Variants in TAFA1 observed in about 807,000 individuals in gnomAD.
TAFA1 encodes TAFA chemokine like family member 1, also known as chemokine-like protein TAFA-1.
TAFA1 carries 4 observed loss-of-function variants against 18.5 expected under a neutral mutation model. The ratio of observed to expected loss-of-function variants is 0.22; its 90% CI spans 0.11 to 0.49. The LOEUF is 0.49. Ranked by LOEUF, TAFA1 falls within the 20% of genes least tolerant of loss-of-function variation. The probability of loss-of-function intolerance (pLI) is 0.98; values close to 1 mark genes in which losing one functional copy is unlikely to be tolerated. For missense variants in TAFA1, 147 were observed against 169.0 expected, an observed-to-expected ratio of 0.87 and a Z score of 0.72; for synonymous variants, 56 against 55.2, an observed-to-expected ratio of 1.01 and a Z score of -0.06.
At chr3:68,188,333 G>A (rs542218006) in intron 2 of TAFA1, among the ~76,000 whole-genome samples, 1 of 151,678 alleles carries the variant, frequency 6.6e-6, no homozygotes, top group South Asian at 2.1e-4. Context: ...ATAGTCATTT[G>A]GCTTTAATAC....
At chr3:68,380,902 G>A (rs1246140157) in intron 2 of TAFA1, among the ~76,000 whole-genome samples, 2 of 149,688 alleles carry the variant, frequency 1.3e-5, no homozygotes, top group African/African-American at 5.0e-5. Context: ...TATGGTTTTA[G>A]GTCTAACATG....
the TAFA1 span, among the ~76,000 whole-genome samples, chr3:67,998,061 A>C: frequency 6.7e-6 from 1 of 150,240 alleles, no homozygotes; most frequent in Non-Finnish European, 1.5e-5. Context: ...AAAATTAAAC[A>C]AAAAAAACCA....
chr3:68,492,726 T>TTTC (rs1002970487), intron 3 of TAFA1, among the ~76,000 whole-genome samples: 22 of 152,148 alleles, frequency 1.4e-4, no homozygotes, highest in African/African-American at 2.2e-4. Flanking sequence ...TTGTAGTTTT[T>TTTC]TTCTTCTTCT....
chr3:68,024,501 T>C (rs561283546), intron 2 of TAFA1, among the ~76,000 whole-genome samples: 175 of 152,194 alleles, frequency 1.1e-3, no homozygotes, highest in African/African-American at 4.1e-3. Flanking sequence ...AGCGCTGTTA[T>C]TTAATAAACA....
intron 3 of TAFA1, among the ~76,000 whole-genome samples, chr3:68,537,524 G>A (rs368955724): frequency 6.6e-6 from 1 of 152,158 alleles, no homozygotes; most frequent in Non-Finnish European, 1.5e-5. Context: ...AGAGAAAATA[G>A]CTGGTAAATA....
intron 2 of TAFA1, 73 bp from the exon 3 acceptor site, chr3:68,417,207 C>A: frequency 7.7e-7 from 1 of 1,302,074 alleles, no homozygotes; most frequent in Non-Finnish European, 1.1e-6. Context: ...AACCCCGCTA[C>A]ATGCACTCCC....
At chr3:68,512,189 G>A (rs2106731665) in intron 3 of TAFA1, among the ~76,000 whole-genome samples, 1 of 152,130 alleles carries the variant, frequency 6.6e-6, no homozygotes, top group East Asian at 1.9e-4. Context: ...CCAATAACTA[G>A]ACTTATCGAT....
chr3:68,477,507 G>T (rs748211452), intron 3 of TAFA1, among the ~76,000 whole-genome samples: 32 of 152,014 alleles, frequency 2.1e-4, no homozygotes, highest in Non-Finnish European at 4.4e-4. Flanking sequence ...CCCAAGTAGC[G>T]GGGATTATAG....
At chr3:68,469,915 A>T (rs2071963825) in intron 3 of TAFA1, among the ~76,000 whole-genome samples, 1 of 152,176 alleles carries the variant, frequency 6.6e-6, no homozygotes, top group Admixed American at 6.5e-5. Context: ...TTAAAAGCAC[A>T]TCTACAGCTC....
At chr3:68,053,464 C>A (rs2064497026) in intron 2 of TAFA1, among the ~76,000 whole-genome samples, 1 of 152,078 alleles carries the variant, frequency 6.6e-6, no homozygotes, top group Non-Finnish European at 1.5e-5. Context: ...GAAACAAAAT[C>A]AGGTCTACCT....
At chr3:68,074,138 G>T (rs2064794594) in intron 2 of TAFA1, among the ~76,000 whole-genome samples, 1 of 152,116 alleles carries the variant, frequency 6.6e-6, no homozygotes, top group Admixed American at 6.5e-5. Flanking sequence ...GCACAATCTA[G>T]ATCTCACACC....
chr3:68,488,899 T>C (rs2072399198), intron 3 of TAFA1, among the ~76,000 whole-genome samples: 1 of 152,196 alleles, frequency 6.6e-6, no homozygotes, highest in African/African-American at 2.4e-5. Flanking sequence ...GAGGATTAAG[T>C]GAACATGTGG....
chr3:68,024,500 A>G (rs1704769457), intron 2 of TAFA1, among the ~76,000 whole-genome samples: 1 of 152,064 alleles, frequency 6.6e-6, no homozygotes, highest in African/African-American at 2.4e-5. Context: ...AAGCGCTGTT[A>G]TTTAATAAAC....
chr3:68,240,152 C>T (rs1169898113), intron 2 of TAFA1, among the ~76,000 whole-genome samples: 1 of 152,154 alleles, frequency 6.6e-6, no homozygotes, highest in African/African-American at 2.4e-5. Flanking sequence ...GAATGGGATG[C>T]TCTTAGATAT....
intron 3 of TAFA1, among the ~76,000 whole-genome samples, chr3:68,445,741 A>G (rs1463843716): frequency 6.6e-6 from 1 of 152,142 alleles, no homozygotes; most frequent in Non-Finnish European, 1.5e-5. Context: ...TCAGAGGTCT[A>G]GGGCAGGGAT....
chr3:68,399,128 A>G (rs2070438304), intron 2 of TAFA1, among the ~76,000 whole-genome samples: 2 of 152,214 alleles, frequency 1.3e-5, no homozygotes, highest in African/African-American at 2.4e-5. Flanking sequence ...ATCAAAGGTG[A>G]TAATAACTAC....
At chr3:68,082,037 T>C (rs556609260) in intron 2 of TAFA1, among the ~76,000 whole-genome samples, 2 of 152,134 alleles carry the variant, frequency 1.3e-5, no homozygotes, top group Non-Finnish European at 2.9e-5. Context: ...TTAAGCCCAT[T>C]GGAAAAGCGC....
chr3:68,524,824 C>A (rs2073082842), intron 3 of TAFA1, among the ~76,000 whole-genome samples: 1 of 152,044 alleles, frequency 6.6e-6, no homozygotes, highest in Non-Finnish European at 1.5e-5. Context: ...GCGCCCGCCA[C>A]CACCCCCTGC....
chr3:68,256,418 T>A (rs987904869), intron 2 of TAFA1, among the ~76,000 whole-genome samples: 11 of 152,160 alleles, frequency 7.2e-5, no homozygotes, highest in Non-Finnish European at 7.4e-5. Flanking sequence ...CTACCTAACA[T>A]GTTTGTGCCT....
Sources: allele counts gnomAD v4.1 joint callset (sites outside exome capture counted in the v4.1 genomes callset), GRCh38; gene constraint gnomAD v4.1.1; transcripts MANE v1.5; gene names NCBI Gene and HGNC (gene_info 2026-07-23, HGNC 2026-07-21).